Variants in SPEN observed in about 807,000 individuals in gnomAD.
SPEN encodes spen family transcriptional repressor, also known as msx2-interacting protein.
In SPEN, 18 loss-of-function variants were observed where a neutral mutation model predicts 269.9. That is an observed-to-expected ratio of 0.07 (90% confidence interval 0.05 to 0.10). The LOEUF is 0.10. Among genes scored for constraint, SPEN ranks in the 10% least tolerant of loss-of-function variants. The pLI is 1.00. For synonymous variants in SPEN, 1,726 were observed against 1,765.7 expected, an observed-to-expected ratio of 0.98 and a Z score of 0.56; for missense variants, 3,822 against 4,631.2, an observed-to-expected ratio of 0.83 and a Z score of 5.07.
At position 15,929,406 on chromosome 1, in the gene SPEN, A is replaced by G. The variant is rs1487756177; in HGVS notation, c.3166A>G (p.Arg1056Gly). Reference protein sequence around the residue: ...KRESKKIKLDRLNTVASPKDC... With the variant: ...KRESKKIKLDGLNTVASPKDC... ...AGAATCTAAAAAAATCAAACTGGAC[A>G]GACTTAATACTGTTGCCAGCCCCAA... The change falls in exon 11 of 15, where the codon AGA (arginine) becomes GGA (glycine). Residue 1056 changes from arginine (R) to glycine (G), a missense_variant. Arg to Gly is a moderately radical substitution (Grantham distance 125, BLOSUM62 -2). Coordinates refer to ENST00000375759, the MANE Select transcript of SPEN (RefSeq NM_015001.3). The surrounding 1 kb of genome is among the most constrained non-coding windows in gnomAD (Gnocchi z 5.8). 4.7e-5 allele frequency: 76 copies of G among 1,613,484 alleles called. No homozygotes were observed. The highest frequency in any genetic ancestry group is 6.3e-5 in the Non-Finnish European group (74 of 1,179,878).
Position 15,928,860 on chromosome 1 carries a change from C to T in SPEN, c.2620C>T (p.Leu874Phe). ...GGGAATAGCGAAAAACCGCCTGGAACTCATGCCTTGCGTGGTTTTGACTCG... is the reference window on the plus strand; with the variant it reads ...GGGAATAGCGAAAAACCGCCTGGAATTCATGCCTTGCGTGGTTTTGACTCG... ...KEGIAKNRLE[L>F]MPCVVLTRVK... is the part of the protein sequence containing the mutation. The change falls in exon 11 of 15, where the codon CTC becomes TTC. Residue 874 changes from leucine (L) to phenylalanine (F), a missense_variant. Transcript: ENST00000375759. This position sits in a 1 kb window ranked among gnomAD's most constrained non-coding sequence, Gnocchi z 5.7. 1 of 1,614,136 alleles carries T rather than the reference C, an allele frequency of 6.2e-7. No homozygotes were observed. Among genetic ancestry groups the T allele is most frequent in the Non-Finnish European group, 8.5e-7 (1 of 1,180,014 alleles).
chr1:15,847,965 C>A lies in SPEN; in HGVS notation c.-103C>A. ...GCCGCTGCCGACGCCACCGCCGCAG[C>A]CGCCGCCGCCGCCGCCCCGGCACCC... On this transcript the variant is annotated 5_prime_UTR_variant, in exon 1 of 15. Transcript: ENST00000375759. 3.4e-6 allele frequency: 2 copies of A among 590,884 alleles called. No homozygotes were observed. Among genetic ancestry groups the A allele is most frequent in the Non-Finnish European group, 4.9e-6 (2 of 411,054 alleles). 36.6% of individuals were successfully genotyped at this position (590,884 alleles called of 1,614,324 possible).
Position 15,931,642 on chromosome 1 carries a change from C to T in SPEN, c.5402C>T (p.Ala1801Val), listed in dbSNP as rs755913099. 4.3e-6 allele frequency: 7 copies of T among 1,614,204 alleles called. No individual in the cohort carries two copies. The highest frequency in any genetic ancestry group is 5.9e-6 in the Non-Finnish European group (7 of 1,180,046). The change falls in exon 11 of 15, where the codon GCT becomes GTT. Residue 1801 changes from alanine (A) to valine (V), a missense_variant. Coordinates refer to ENST00000375759, the MANE Select transcript of SPEN (RefSeq NM_015001.3). The surrounding 1 kb of genome is among the most constrained non-coding windows in gnomAD (Gnocchi z 4.8). Reference sequence around the variant, plus strand: ...GCTGCTCCTGAGTCTCAGCCCCCAGCTTCTGAAGATTTAGAGGTTGATCCT... The same window carrying T: ...GCTGCTCCTGAGTCTCAGCCCCCAGTTTCTGAAGATTTAGAGGTTGATCCT... ...AEAAPESQPP[A>V]SEDLEVDPPV...
At chr1:15,906,291 T>C (rs1185487373) in intron 3 of SPEN, among the ~76,000 whole-genome samples, 1 of 152,154 alleles carries the variant, frequency 6.6e-6, no homozygotes, top group Non-Finnish European at 1.5e-5. Context: ...AAGCTAAACC[T>C]AATTCATTGA....
intron 1 of SPEN, among the ~76,000 whole-genome samples, chr1:15,849,903 A>T (rs1015039467): frequency 6.6e-6 from 1 of 152,138 alleles, no homozygotes; most frequent in East Asian, 1.9e-4. Flanking sequence ...GCACCGATGT[A>T]CAAGCACGTG....
In SPEN at chr1:15,932,195, G is replaced by T. The variant is rs201801457; in HGVS notation, c.5955G>T (p.Arg1985Ser). 6.2e-7 allele frequency: 1 copy of T among 1,612,284 alleles called. No individual in the cohort carries two copies. The highest frequency in any genetic ancestry group is 8.5e-7 in the Non-Finnish European group (1 of 1,179,536). The part of the protein sequence containing the change: ...LKPPEGWRSP[R>S]SQKTAAGGGP... ...CACCTGAGGGATGGCGGTCGCCAAG[G>T]TCCCAGAAAACTGCAGCTGGTGGTG... is the stretch of plus-strand genomic sequence containing the variant. Residue 1985 changes from arginine (R) to serine (S), a missense_variant, in exon 11 of 15, where the codon AGG becomes AGT. Arg to Ser is a moderately radical substitution (Grantham distance 110). Around this residue, in one of 16 missense-constraint regions of SPEN, gnomAD observed 533 missense variants for 618.8 expected, o/e 0.86. Coordinates refer to ENST00000375759, the MANE Select transcript of SPEN (RefSeq NM_015001.3). This position sits in a 1 kb window ranked among gnomAD's most constrained non-coding sequence, Gnocchi z 4.2.
chr1:15,916,545 C>G (rs115941412), intron 6 of SPEN, among the ~76,000 whole-genome samples: 2 of 130,298 alleles, frequency 1.5e-5, no homozygotes, highest in African/African-American at 6.0e-5. Flanking sequence ...GAGTATCACT[C>G]TGTCTCCGAG....
At position 15,876,697 on chromosome 1, in the gene SPEN, G is replaced by C; in HGVS notation, c.881+19G>C. On this transcript the variant is annotated intron_variant, in intron 3 of 14. Coordinates refer to ENST00000375759, the MANE Select transcript of SPEN (RefSeq NM_015001.3). ...GTGACAGGTAGGTTAACAGCCTTTT[G>C]TTATAACAGATGAGCTAGCTTTAAA... is the stretch of plus-strand genomic sequence containing the variant. 1 of 1,559,910 alleles carries C rather than the reference G, an allele frequency of 6.4e-7. No individual in the cohort carries two copies. The highest frequency in any genetic ancestry group is 1.1e-5 in the South Asian group (1 of 89,658).
At chr1:15,861,812 C>G (rs762826726) in intron 1 of SPEN, among the ~76,000 whole-genome samples, 3 of 152,020 alleles carry the variant, frequency 2.0e-5, no homozygotes, top group Non-Finnish European at 4.4e-5. Flanking sequence ...GAAACTGAAG[C>G]GGGTGGATCA....
chr1:15,937,130 A>G lies in SPEN; in HGVS notation c.10027-33A>G. The G allele has an allele frequency of 6.3e-7, 1 of 1,591,334 alleles. No homozygotes were observed. Among genetic ancestry groups the G allele is most frequent in the Non-Finnish European group, 8.6e-7 (1 of 1,167,788 alleles). On this transcript the variant is annotated intron_variant, in intron 11 of 14. Transcript: ENST00000375759. This position sits in a 1 kb window ranked among gnomAD's most constrained non-coding sequence, Gnocchi z 5.7. ...TCAGGGGCTTGTGCACAACAGACTG[A>G]CTCTGTCCCTTTGCCTTCCTTCCCT...
chr1:15,849,687 T>C (rs1389588270), intron 1 of SPEN, among the ~76,000 whole-genome samples: 5 of 152,072 alleles, frequency 3.3e-5, no homozygotes, highest in African/African-American at 9.7e-5. Context: ...ACGGGCTGGA[T>C]TGGGAAGCAG....
intron 3 of SPEN, among the ~76,000 whole-genome samples, chr1:15,889,142 T>TTTTC (rs1217061987): frequency 2.3e-4 from 34 of 149,756 alleles, no homozygotes; most frequent in Admixed American, 9.6e-4. Flanking sequence ...AACATTAGCA[T>TTTTC]TTTCTTTCTT....
rs2071304692 is a variant in SPEN, at chr1:15,938,662, T to C, written c.10705-56T>C. ...TGGACCTGATACTGTGGGTTGGATG[T>C]GGGCTGCTGTTTGACTAGGAGGCCC... On this transcript the variant is annotated intron_variant, in intron 13 of 14. Coordinates refer to ENST00000375759, the MANE Select transcript of SPEN (RefSeq NM_015001.3). 67 of 1,557,058 alleles carry C rather than the reference T, an allele frequency of 4.3e-5. No individual in the cohort carries two copies. In the South Asian group the frequency reaches 7.6e-4, roughly 18 times the overall value.
chr1:15,919,349 T>C (rs1439340602), intron 7 of SPEN, 55 bp from the exon 8 acceptor site: 12 of 1,119,594 alleles, frequency 1.1e-5, no homozygotes, highest in Non-Finnish European at 1.6e-5. Flanking sequence ...AATTCTGTTG[T>C]AGTTGAATAG....
chr1:15,917,085 G>A (rs2148732066), intron 6 of SPEN, among the ~76,000 whole-genome samples: 1 of 152,246 alleles, frequency 6.6e-6, no homozygotes, highest in African/African-American at 2.4e-5. Context: ...CCGAGATCAC[G>A]CCACTGTACT....
chr1:15,934,111 G>A lies in SPEN; in HGVS notation c.7871G>A (p.Arg2624Gln), dbSNP rs200512596. The change falls in exon 11 of 15, where the codon CGG becomes CAG. Residue 2624 changes from arginine (R) to glutamine (Q), a missense_variant. Arg to Gln is a conservative substitution (Grantham distance 43). Around this residue, in one of 16 missense-constraint regions of SPEN, gnomAD observed 329 missense variants for 431.2 expected, o/e 0.76. Coordinates refer to ENST00000375759, the MANE Select transcript of SPEN (RefSeq NM_015001.3). This position sits in a 1 kb window ranked among gnomAD's most constrained non-coding sequence, Gnocchi z 9.2. Reference protein sequence around the residue: ...IAPKITSVISRMPVSIDLENS... With the variant: ...IAPKITSVISQMPVSIDLENS... ...CCCAAAATTACCTCTGTTATTAGCC[G>A]GATGCCTGTCAGCATTGACCTGGAA... 2.8e-4 allele frequency: 456 copies of A among 1,613,570 alleles called. 1 individual carries two copies. The highest frequency in any genetic ancestry group is 3.6e-4 in the Non-Finnish European group (430 of 1,179,610).
intron 13 of SPEN, 72 bp downstream of exon 13, chr1:15,938,078 C>A: frequency 7.5e-7 from 1 of 1,330,964 alleles, no homozygotes; most frequent in Non-Finnish European, 1.0e-6. Flanking sequence ...CCCTGCCAGC[C>A]CATCTCCCTG....
At position 15,929,479 on chromosome 1, in the gene SPEN, C is replaced by T. The variant is rs752843861; in HGVS notation, c.3239C>T (p.Pro1080Leu). The change falls in exon 11 of 15, where the codon CCC becomes CTC. Residue 1080 changes from proline (P) to leucine (L), a missense_variant. Coordinates refer to ENST00000375759, the MANE Select transcript of SPEN (RefSeq NM_015001.3). This position sits in a 1 kb window ranked among gnomAD's most constrained non-coding sequence, Gnocchi z 5.8. ...ATTTCTGTTGGGTCTGGCTCAAGGCCCAGCTCAGACCTACAAGCAAGACTG... is the reference window on the plus strand; with the variant it reads ...ATTTCTGTTGGGTCTGGCTCAAGGCTCAGCTCAGACCTACAAGCAAGACTG... ...ASISVGSGSR[P>L]SSDLQARLGE... 2 of 1,612,984 alleles carry T rather than the reference C, an allele frequency of 1.2e-6. No individual in the cohort carries two copies. The highest frequency in any genetic ancestry group is 2.2e-5 in the South Asian group (2 of 90,886).
chr1:15,928,958 C>G lies in SPEN; in HGVS notation c.2718C>G (p.Asp906Glu). The change falls in exon 11 of 15, where the codon GAC becomes GAG. Residue 906 changes from aspartate (D) to glutamate (E), a missense_variant. By Grantham distance (45) the Asp-to-Glu change is conservative (BLOSUM62 2). Coordinates refer to ENST00000375759, the MANE Select transcript of SPEN (RefSeq NM_015001.3). The surrounding 1 kb of genome is among the most constrained non-coding windows in gnomAD (Gnocchi z 5.7). ...AGTTGAAAGCCAAGCTTGATAATGA[C>G]ACTGTCAAATCTTCTGCCCTGGACC... ...VEKLKAKLDNDTVKSSALDQK... is the reference protein window; with the variant it reads ...VEKLKAKLDNETVKSSALDQK... The G allele has an allele frequency of 6.2e-7, 1 of 1,614,236 alleles. No individual in the cohort carries two copies. Among genetic ancestry groups the G allele is most frequent in the Non-Finnish European group, 8.5e-7 (1 of 1,180,048 alleles).
Sources: gnomAD v4.1 joint callset for allele counts (sites outside exome capture counted in the v4.1 genomes callset) on GRCh38, gnomAD v4.1.1 for gene constraint, gnomAD v4.1.1 regional missense constraint, Gnocchi (gnomAD v3.1) non-coding constraint, MANE v1.5 for transcripts, NCBI Gene and HGNC (gene_info 2026-07-23, HGNC 2026-07-21) for gene names.